The following PRKG1 variants were observed in gnomAD, a reference collection of about 807,000 sequenced individuals.
PRKG1 encodes the protein cGMP-dependent protein kinase 1.
Under a neutral mutation model 88.1 loss-of-function variants are expected in PRKG1, and 35 were observed. That is an observed-to-expected ratio of 0.40 (90% CI 0.30 to 0.53). The LOEUF is 0.53. Ranked by LOEUF, PRKG1 falls within the 20% of genes least tolerant of loss-of-function variation. The pLI is 0.59. For synonymous variants in PRKG1, 303 were observed against 292.5 expected (o/e 1.04, Z -0.37); for missense variants, 540 against 839.8 (o/e 0.64, Z 4.41).
At chr10:52,016,557 A>C (rs2133182049) in intron 5 of PRKG1, among the ~76,000 whole-genome samples, 1 of 152,336 alleles carries the variant, frequency 6.6e-6, no homozygotes, top group Non-Finnish European at 1.5e-5. Flanking sequence ...AAAGTGAAAG[A>C]ACGACAGGCA....
At chr10:51,963,440 C>T (rs560148206) in intron 5 of PRKG1, among the ~76,000 whole-genome samples, 70 of 151,760 alleles carry the variant, frequency 4.6e-4, no homozygotes, top group Non-Finnish European at 7.9e-4. Flanking sequence ...AAATTAATTT[C>T]ATTCATTTTT....
chr10:51,347,951 T>C (rs2132558464), intron 2 of PRKG1, among the ~76,000 whole-genome samples: 1 of 152,098 alleles, frequency 6.6e-6, no homozygotes, highest in South Asian at 2.1e-4. Context: ...TACTCCCAGC[T>C]ACTCGGGAGG....
intron 8 of PRKG1, among the ~76,000 whole-genome samples, chr10:52,150,186 T>TATTATTATTA (rs1554810295): frequency 2.9e-5 from 3 of 102,330 alleles, no homozygotes; most frequent in Middle Eastern, 4.9e-3. Flanking sequence ...TAATAATAAT[T>TATTATTATTA]TGATTGGCCA....
Position 51,934,966 on chromosome 10 carries a change from G to A in PRKG1, c.762+27396G>A, listed in dbSNP as rs572471937. Among the ~76,000 whole-genome samples, 81 of 152,238 alleles carry A rather than the reference G, an allele frequency of 5.3e-4. 1 individual carries two copies. Among genetic ancestry groups the A allele is most frequent in the Admixed American group, 1.8e-3 (27 of 15,276 alleles). On this transcript the variant is annotated intron_variant, in intron 5 of 17. Transcript: ENST00000373980. The stretch of plus-strand genomic sequence containing the variant: ...ATAGAGTTTTGGGCAGAACTATGAG[G>A]TGGGGGCTTAGAAGACTTTCTATCT...
rs190086729 is a variant in PRKG1 at position 51,395,204 on chromosome 10, C to T, written c.479-72519C>T. On this transcript the variant is annotated intron_variant, in intron 2 of 17. Coordinates refer to ENST00000373980, the MANE Select transcript of PRKG1 (RefSeq NM_006258.4). ...GCTACATGGCTTCTCACTGAGATAT[C>T]TCTCCCACTCTTTGCAAGTCTCTGC... Among the ~76,000 whole-genome samples the T allele has an allele frequency of 8.5e-4, 129 of 152,336 alleles. 1 individual carries two copies. The highest frequency in any genetic ancestry group is 3.0e-3 in the African/African-American group (124 of 41,576).
intron 3 of PRKG1, among the ~76,000 whole-genome samples, chr10:51,717,757 G>A (rs1381815281): frequency 6.6e-6 from 1 of 151,812 alleles, no homozygotes; most frequent in South Asian, 2.1e-4. Flanking sequence ...GCGTGAACCC[G>A]GGAGGCGGAG....
In PRKG1 at chr10:52,269,063, T is replaced by TA. The variant is rs112305020; in HGVS notation, c.1174-2274dup. Reference sequence around the variant, plus strand: ...TTTCCTCCTACCCTGTGTACAAGTATAAAAAAAAAAAAATCTGTGTATCTG... The same window carrying TA: ...TTTCCTCCTACCCTGTGTACAAGTATAAAAAAAAAAAAAATCTGTGTATCTG... On this transcript the variant is annotated intron_variant, in intron 10 of 17. Coordinates refer to ENST00000373980, the MANE Select transcript of PRKG1 (RefSeq NM_006258.4). 5.3e-3 allele frequency among the ~76,000 whole-genome samples: 752 copies of TA among 142,200 alleles called. 6 individuals carry two copies. The highest frequency in any genetic ancestry group is 0.014 in the African/African-American group (532 of 39,358). 93.3% of individuals were successfully genotyped at this position (142,200 alleles called of 152,430 possible).
intron 5 of PRKG1, among the ~76,000 whole-genome samples, chr10:52,038,769 AG>A (rs1845682053): frequency 6.6e-6 from 1 of 152,178 alleles, no homozygotes; most frequent in Admixed American, 6.5e-5. Context: ...ATAAAACACC[AG>A]GGGAAGGCTG....
intron 10 of PRKG1, among the ~76,000 whole-genome samples, chr10:52,270,717 T>C (rs1841701502): frequency 1.0e-5 from 1 of 99,140 alleles, no homozygotes; most frequent in Admixed American, 1.5e-4. Flanking sequence ...CTGGGGACTG[T>C]TGTGGGGTGG....
At chr10:52,278,686 G>A (rs1242734951) in intron 12 of PRKG1, among the ~76,000 whole-genome samples, 2 of 152,050 alleles carry the variant, frequency 1.3e-5, no homozygotes, top group Non-Finnish European at 2.9e-5. Context: ...CTAGCACTTT[G>A]GGAGGCCAAG....
intron 2 of PRKG1, among the ~76,000 whole-genome samples, chr10:51,261,917 C>G (rs1054149769): frequency 4.6e-5 from 6 of 130,194 alleles, no homozygotes; most frequent in Non-Finnish European, 9.3e-5. Context: ...TGGAGTCTGG[C>G]TCTGTCGCCC....
At chr10:51,584,298 C>CT (rs1285541472) in intron 3 of PRKG1, among the ~76,000 whole-genome samples, 18 of 152,018 alleles carry the variant, frequency 1.2e-4, no homozygotes, top group African/African-American at 4.1e-4. Flanking sequence ...TTATGAGCCA[C>CT]TTTGTGCCAG....
chr10:51,004,647 G>A (rs1269240738), intron 1 of PRKG1, among the ~76,000 whole-genome samples: 3 of 151,690 alleles, frequency 2.0e-5, no homozygotes, highest in East Asian at 1.9e-4. Context: ...TGCTCTTTTC[G>A]GAATGATGTT....
chr10:51,675,723 A>G (rs1840694341), intron 3 of PRKG1, among the ~76,000 whole-genome samples: 1 of 152,346 alleles, frequency 6.6e-6, no homozygotes, highest in Non-Finnish European at 1.5e-5. Flanking sequence ...TAATTTGGAT[A>G]CATTTAAAAA....
chr10:52,244,263 A>G (rs1030118141), intron 9 of PRKG1, among the ~76,000 whole-genome samples: 1 of 152,076 alleles, frequency 6.6e-6, no homozygotes, highest in East Asian at 1.9e-4. Context: ...ATTTGAAAAC[A>G]TGATTTAGCA....
rs114843918 is a variant in PRKG1, at chr10:52,161,162, C to T, written c.1002-727C>T. ...CATGTGTGTATTCATTTTGTGTTGG[C>T]GCTATAATATTTACAATTTTAGTGA... On this transcript the variant is annotated intron_variant, in intron 8 of 17. Transcript: ENST00000373980. Among the ~76,000 whole-genome samples the T allele has an allele frequency of 8.4e-3, 1,280 of 151,906 alleles. 17 individuals are homozygous for T. Among genetic ancestry groups the T allele is most frequent in the African/African-American group, 0.028 (1,179 of 41,478 alleles).
intron 3 of PRKG1, among the ~76,000 whole-genome samples, chr10:51,721,484 A>G (rs968455275): frequency 1.2e-4 from 19 of 152,294 alleles, no homozygotes; most frequent in African/African-American, 4.6e-4. Flanking sequence ...AGCCAGAGCC[A>G]GAACTAGAGA....
intron 5 of PRKG1, among the ~76,000 whole-genome samples, chr10:52,032,954 A>C (rs1845507305): frequency 2.0e-5 from 3 of 152,188 alleles, no homozygotes; most frequent in Non-Finnish European, 4.4e-5. Flanking sequence ...GTATGGAAGG[A>C]AGTCTTTATC....
chr10:52,296,290 G>C lies in PRKG1; in HGVS notation c.*2390G>C, dbSNP rs529589956. The C allele has an allele frequency of 2.6e-5, 4 of 152,156 alleles. No individual in the cohort carries two copies. In the South Asian group the frequency reaches 8.3e-4, roughly 32 times the overall value. 9.4% of individuals were successfully genotyped at this position (152,156 alleles called of 1,614,324 possible). Reference sequence around the variant, plus strand: ...CAATATGAATAAGTTCAATGGAGAAGGAAGAAGTAGCATTCAGCACAAGAA... The same window carrying C: ...CAATATGAATAAGTTCAATGGAGAACGAAGAAGTAGCATTCAGCACAAGAA... On this transcript the variant is annotated 3_prime_UTR_variant, in exon 18 of 18. Coordinates refer to ENST00000373980, the MANE Select transcript of PRKG1 (RefSeq NM_006258.4).
Sources: gnomAD v4.1 joint callset for allele counts (sites outside exome capture counted in the v4.1 genomes callset) on GRCh38, gnomAD v4.1.1 for gene constraint, MANE v1.5 for transcripts, NCBI Gene and HGNC (gene_info 2026-07-23, HGNC 2026-07-21) for gene names.